The following ZNF407 variants were observed in gnomAD, a reference collection of about 807,000 sequenced individuals.
ZNF407 encodes zinc finger protein 407.
A neutral mutation model predicts 131.2 loss-of-function variants in ZNF407; 17 were observed. That is an observed-to-expected ratio of 0.13 (90% CI 0.09 to 0.19). The LOEUF (loss-of-function observed/expected upper bound fraction) is 0.19, where lower values mean the gene tolerates loss of function less well. Ranked by LOEUF, ZNF407 falls within the 10% of genes least tolerant of loss-of-function variation. ZNF407 has a pLI of 1.00. For synonymous variants in ZNF407, 1,156 were observed against 1,062.0 expected, an observed-to-expected ratio of 1.09 and a Z score of -1.72; for missense variants, 2,681 against 2,830.6, an observed-to-expected ratio of 0.95 and a Z score of 1.20.
rs74990193 is a variant in ZNF407 at position 74,953,262 on chromosome 18, A to G, written c.5428+32570A>G. Among the ~76,000 whole-genome samples, 263 of 152,306 alleles carry G rather than the reference A, an allele frequency of 1.7e-3. 10 individuals carry two copies. The East Asian group carries it at 0.03, about 17-fold the overall frequency. Reference sequence around the variant, plus strand: ...ATTGCTTGAGAGCTGGGGTCCGTCCAGGCTATCTGACTCCTCAGCCTGTGC... The same window carrying G: ...ATTGCTTGAGAGCTGGGGTCCGTCCGGGCTATCTGACTCCTCAGCCTGTGC... On this transcript the variant is annotated intron_variant, in intron 8 of 8. Transcript: ENST00000299687.
chr18:75,055,551 C>T (rs1321078178), intron 8 of ZNF407, among the ~76,000 whole-genome samples: 3 of 152,166 alleles, frequency 2.0e-5, no homozygotes, highest in African/African-American at 7.2e-5. Context: ...TGGTATAATA[C>T]AACATTTCTT....
intron 8 of ZNF407, among the ~76,000 whole-genome samples, chr18:74,930,118 A>G (rs1354763051): frequency 1.3e-5 from 2 of 152,184 alleles, no homozygotes; most frequent in East Asian, 3.8e-4. Flanking sequence ...CCAGGAACCA[A>G]CATTCCTTTT....
chr18:75,064,381 C>G lies in ZNF407; in HGVS notation c.6660C>G (p.Ala2220=), dbSNP rs1361326361. Residue 2220 remains alanine, a synonymous_variant, in exon 9 of 9, where the codon GCC becomes GCG. Coordinates refer to ENST00000299687, the MANE Select transcript of ZNF407 (RefSeq NM_017757.3). ...AGAPSRAEQL[A]SVVIYTQEGS... Reference sequence around the variant, plus strand: ...CCCCAAGCAGGGCAGAGCAGCTGGCCAGCGTGGTCATCTACACCCAGGAGG... The same window carrying G: ...CCCCAAGCAGGGCAGAGCAGCTGGCGAGCGTGGTCATCTACACCCAGGAGG... 6.4e-7 allele frequency: 1 copy of G among 1,569,624 alleles called. No homozygotes were observed.
chr18:74,854,352 T>C (rs1451796310), intron 4 of ZNF407, among the ~76,000 whole-genome samples: 7 of 152,220 alleles, frequency 4.6e-5, no homozygotes, highest in African/African-American at 1.7e-4. Flanking sequence ...GAGAAATGTG[T>C]CTTCTAATCA....
intron 3 of ZNF407, among the ~76,000 whole-genome samples, chr18:74,747,223 T>C (rs1968689813): frequency 6.6e-6 from 1 of 152,172 alleles, no homozygotes; most frequent in African/African-American, 2.4e-5. Context: ...AAGGAACATA[T>C]CATTAACAAT....
At chr18:74,754,375 T>G (rs899179230) in intron 3 of ZNF407, among the ~76,000 whole-genome samples, 19 of 152,360 alleles carry the variant, frequency 1.2e-4, no homozygotes, top group Non-Finnish European at 2.5e-4. Context: ...CTTAGTTATT[T>G]CTTGCCTTCT....
Position 74,697,715 on chromosome 18 carries a change from G to A in ZNF407, c.4802+56593G>A, listed in dbSNP as rs1967391848. Reference sequence around the variant, plus strand: ...CCTACTTAATTAAAAATTAAATGATGAATTAAAACTTAGATTATTCAAAAC... The same window carrying A: ...CCTACTTAATTAAAAATTAAATGATAAATTAAAACTTAGATTATTCAAAAC... On this transcript the variant is annotated intron_variant, in intron 3 of 8. Transcript: ENST00000299687. 2.0e-5 allele frequency among the ~76,000 whole-genome samples: 3 copies of A among 151,900 alleles called. No individual in the cohort carries two copies. In the South Asian group the frequency reaches 6.2e-4, roughly 32 times the overall value.
At chr18:75,038,652 A>T (rs1973338030) in intron 8 of ZNF407, among the ~76,000 whole-genome samples, 1 of 152,234 alleles carries the variant, frequency 6.6e-6, no homozygotes, top group African/African-American at 2.4e-5. Flanking sequence ...AAAAGACATG[A>T]AATGGGGCCA....
intron 4 of ZNF407, among the ~76,000 whole-genome samples, chr18:74,805,758 A>G (rs1473163253): frequency 6.6e-6 from 1 of 152,190 alleles, no homozygotes; most frequent in African/African-American, 2.4e-5. Flanking sequence ...GTCAGTATAA[A>G]TTATATCTGC....
chr18:75,029,571 G>GTA (rs1174509548), intron 8 of ZNF407, among the ~76,000 whole-genome samples: 14 of 152,218 alleles, frequency 9.2e-5, no homozygotes, highest in African/African-American at 3.1e-4. Context: ...AGGGCGGAGT[G>GTA]TGTGTGCGTG....
intron 8 of ZNF407, among the ~76,000 whole-genome samples, chr18:75,044,013 A>G (rs554889424): frequency 2.8e-4 from 43 of 152,276 alleles, no homozygotes; most frequent in East Asian, 7.7e-4. Flanking sequence ...GGTATCTACT[A>G]TATGTTTCTG....
intron 7 of ZNF407, among the ~76,000 whole-genome samples, chr18:74,909,150 C>T (rs767457126): frequency 2.6e-5 from 4 of 151,638 alleles, no homozygotes; most frequent in Admixed American, 6.6e-5. Context: ...GCATACCTGC[C>T]TAATTAACTT....
Position 74,631,256 on chromosome 18 carries a change from T to C in ZNF407, c.237T>C (p.Asp79=). The change falls in exon 2 of 9, where the codon GAT becomes GAC. Residue 79 remains aspartate, a synonymous_variant. Coordinates refer to ENST00000299687, the MANE Select transcript of ZNF407 (RefSeq NM_017757.3). ...NKHASKRRKL[D]EAEPLKSGKQ... The stretch of plus-strand genomic sequence containing the variant: ...ATGCTTCCAAACGCAGGAAATTAGA[T>C]GAGGCAGAGCCCCTTAAATCTGGAA... 1 of 1,613,936 alleles carries C rather than the reference T, an allele frequency of 6.2e-7. No individual in the cohort carries two copies. Among genetic ancestry groups the C allele is most frequent in the South Asian group, 1.1e-5 (1 of 91,074 alleles).
At chr18:75,051,520 G>A (rs933018696) in intron 8 of ZNF407, among the ~76,000 whole-genome samples, 7 of 152,106 alleles carry the variant, frequency 4.6e-5, no homozygotes, top group South Asian at 2.1e-4. Context: ...GTGGGATTTC[G>A]TTTCCCATCA....
intron 4 of ZNF407, among the ~76,000 whole-genome samples, chr18:74,785,724 G>A (rs1969690697): frequency 6.6e-6 from 1 of 152,170 alleles, no homozygotes; most frequent in South Asian, 2.1e-4. Context: ...CAGCATCTGT[G>A]GAAAAGCGCA....
intron 4 of ZNF407, among the ~76,000 whole-genome samples, chr18:74,799,375 A>G (rs1452097668): frequency 6.6e-6 from 1 of 152,112 alleles, no homozygotes; most frequent in Non-Finnish European, 1.5e-5. Context: ...ATCTTGCAGT[A>G]CAGGATCCCT....
chr18:75,033,935 G>A (rs986725816), intron 8 of ZNF407, among the ~76,000 whole-genome samples: 1 of 152,076 alleles, frequency 6.6e-6, no homozygotes, highest in Non-Finnish European at 1.5e-5. Context: ...TATTTATAGT[G>A]AAAATGTATT....
chr18:74,931,810 A>G (rs947227337), intron 8 of ZNF407, among the ~76,000 whole-genome samples: 11 of 152,218 alleles, frequency 7.2e-5, no homozygotes, highest in Admixed American at 4.6e-4. Flanking sequence ...TTGAGCATCA[A>G]TTCATGATTA....
At chr18:74,741,985 T>C (rs1376958127) in intron 3 of ZNF407, among the ~76,000 whole-genome samples, 1 of 152,172 alleles carries the variant, frequency 6.6e-6, no homozygotes, top group Non-Finnish European at 1.5e-5. Context: ...TTACACCAAG[T>C]GGGAAAGATG....
Sources: gnomAD v4.1 joint callset for allele counts (sites outside exome capture counted in the v4.1 genomes callset) on GRCh38, gnomAD v4.1.1 for gene constraint, MANE v1.5 for transcripts, NCBI Gene and HGNC (gene_info 2026-07-23, HGNC 2026-07-21) for gene names.